The following EIF4ENIF1 variants were observed in gnomAD, a reference collection of about 807,000 sequenced individuals.
EIF4ENIF1 encodes the protein eukaryotic translation initiation factor 4E nuclear import factor 1.
EIF4ENIF1 carries 23 observed loss-of-function variants against 110.5 expected under a neutral mutation model. The ratio of observed to expected loss-of-function variants is 0.21; its 90% confidence interval spans 0.15 to 0.29. The LOEUF is 0.29. Among genes scored for constraint, EIF4ENIF1 ranks in the 10% least tolerant of loss-of-function variants. The pLI, the probability that EIF4ENIF1 is intolerant of heterozygous loss-of-function variation, is 1.00. For synonymous variants in EIF4ENIF1, 440 were observed against 437.0 expected (o/e 1.01, Z -0.09); for missense variants, 1,031 against 1,221.1 (o/e 0.84, Z 2.32).
chr22:31,449,375 G>A lies in EIF4ENIF1; in HGVS notation c.1741C>T (p.Leu581Phe), dbSNP rs1569070867. 6.2e-6 allele frequency: 10 copies of A among 1,613,712 alleles called. No homozygotes were observed. Among genetic ancestry groups the A allele is most frequent in the Non-Finnish European group, 8.5e-6 (10 of 1,179,954 alleles). The change falls in exon 12 of 19, where the codon CTT (leucine) becomes TTT (phenylalanine). Residue 581 changes from leucine to phenylalanine, a missense_variant. By Grantham distance (22) the Leu-to-Phe change is conservative (BLOSUM62 0). Coordinates refer to ENST00000330125, the MANE Select transcript of EIF4ENIF1 (RefSeq NM_019843.4). ...FQTRAASADY[L>F]RPRIPSPIGF... ...ATTGGTGATGGTATTCTTGGGCGAA[G>A]GTAGTCAGCTGAGGCTGCTCGAGTT...
At chr22:31,449,051 C>T (rs560783552) in intron 12 of EIF4ENIF1, among the ~76,000 whole-genome samples, 1 of 152,298 alleles carries the variant, frequency 6.6e-6, no homozygotes, top group South Asian at 2.1e-4. Flanking sequence ...CGCTCTGTCG[C>T]CCAGGCTGGA....
At chr22:31,469,624 T>G (rs1444909309) in intron 3 of EIF4ENIF1, among the ~76,000 whole-genome samples, 1 of 152,188 alleles carries the variant, frequency 6.6e-6, no homozygotes, top group Non-Finnish European at 1.5e-5. Context: ...TCTCTCCTCT[T>G]TCTTATTTTT....
intron 3 of EIF4ENIF1, 56 bp downstream of exon 3, chr22:31,471,788 G>A: frequency 7.1e-7 from 1 of 1,406,556 alleles, no homozygotes; most frequent in Non-Finnish European, 9.8e-7. Flanking sequence ...TACCAAGTTT[G>A]GTATAACAAA....
At chr22:31,488,198 T>C (rs754670158) in intron 2 of EIF4ENIF1, among the ~76,000 whole-genome samples, 5 of 152,130 alleles carry the variant, frequency 3.3e-5, no homozygotes, top group Non-Finnish European at 7.4e-5. Flanking sequence ...CAGTTACCCA[T>C]GAAAAGCACA....
intron 7 of EIF4ENIF1, among the ~76,000 whole-genome samples, 186 bp from the exon 8 acceptor site, chr22:31,456,173 C>A (rs1419656401): frequency 6.6e-6 from 1 of 151,898 alleles, no homozygotes; most frequent in African/African-American, 2.4e-5. Flanking sequence ...TCTGAATAAC[C>A]CAAACTTGAG....
Position 31,463,664 on chromosome 22 carries a change from A to AT in EIF4ENIF1, c.585+16_585+17insA, listed in dbSNP as rs2051073707. Reference sequence around the variant, plus strand: ...TCCGTCTCAATTTAAAAAAAAAAAAAAAAAAAAAAGACAAACCCTGAAACG... The same window carrying AT: ...TCCGTCTCAATTTAAAAAAAAAAAAATAAAAAAAAAGACAAACCCTGAAACG... On this transcript the variant is annotated intron_variant, in intron 5 of 18. Transcript: ENST00000330125. 6.5e-7 allele frequency: 1 copy of AT among 1,526,892 alleles called. No homozygotes were observed. Among genetic ancestry groups the AT allele is most frequent in the African/African-American group, 1.4e-5 (1 of 70,636 alleles). 94.6% of individuals were successfully genotyped at this position (1,526,892 alleles called of 1,614,324 possible).
chr22:31,455,085 G>C (rs746877073), intron 9 of EIF4ENIF1, 51 bp downstream of exon 9: 16 of 1,481,536 alleles, frequency 1.1e-5, no homozygotes, highest in Middle Eastern at 2.4e-4. Flanking sequence ...CCTGAAGACT[G>C]AACATCTAGA....
chr22:31,476,944 G>A (rs1437145364), intron 2 of EIF4ENIF1, among the ~76,000 whole-genome samples: 1 of 146,814 alleles, frequency 6.8e-6, no homozygotes, highest in African/African-American at 2.5e-5. Flanking sequence ...GTTGCAGTGA[G>A]CCAAGACTGC....
At chr22:31,437,459 C>CA (rs1555900378), downstream of EIF4ENIF1, 1 of 133,270 alleles carries the variant, frequency 7.5e-6, no homozygotes, top group Non-Finnish European at 1.6e-5. Flanking sequence ...ATCCCCCCCC[C>CA]ACCCTCCCGC....
chr22:31,485,085 ATT>A (rs2051969818), intron 2 of EIF4ENIF1, among the ~76,000 whole-genome samples: 1 of 152,196 alleles, frequency 6.6e-6, no homozygotes. Context: ...CCCGCATAGA[ATT>A]ACTAGAGTGT....
chr22:31,489,042 T>C, intron 1 of EIF4ENIF1: 2 of 254,954 alleles, frequency 7.8e-6, no homozygotes, highest in South Asian at 9.2e-5. Flanking sequence ...CTGCCACCCA[T>C]GGGGATCTTT....
At chr22:31,451,023 G>C (rs2050656307) in intron 10 of EIF4ENIF1, 1 of 152,504 alleles carries the variant, frequency 6.6e-6, no homozygotes, top group African/African-American at 2.4e-5. Flanking sequence ...TGGGACTACA[G>C]GTGTATGCCA....
chr22:31,492,897 A>T (rs969394272), upstream of EIF4ENIF1, among the ~76,000 whole-genome samples: 2 of 151,598 alleles, frequency 1.3e-5, no homozygotes, highest in Non-Finnish European at 2.9e-5. Flanking sequence ...ACGCCCAGCT[A>T]ATTTTTGTAT....
chr22:31,487,032 TGCACTCCAGCCTGG>T (rs2052057134), intron 2 of EIF4ENIF1, among the ~76,000 whole-genome samples: 1 of 151,898 alleles, frequency 6.6e-6, no homozygotes, highest in African/African-American at 2.4e-5. Context: ...GTGGTGCCAT[TGCACTCCAGCCTGG>T]GCAACAAGAG....
chr22:31,446,166 T>A (rs2050468045), intron 14 of EIF4ENIF1, among the ~76,000 whole-genome samples: 1 of 151,000 alleles, frequency 6.6e-6, no homozygotes, highest in African/African-American at 2.4e-5. Flanking sequence ...ACTCCTGTAA[T>A]CCTAGCTACT....
upstream of EIF4ENIF1, among the ~76,000 whole-genome samples, chr22:31,492,653 A>C (rs2052294909): frequency 6.6e-6 from 1 of 152,230 alleles, no homozygotes; most frequent in Non-Finnish European, 1.5e-5. Flanking sequence ...GCCTGGCAAA[A>C]GCTAGATGCT....
intron 18 of EIF4ENIF1, among the ~76,000 whole-genome samples, 198 bp downstream of exon 18, chr22:31,440,506 A>G (rs910398061): frequency 2.0e-5 from 3 of 152,234 alleles, no homozygotes; most frequent in Non-Finnish European, 2.9e-5. Flanking sequence ...GGCTTTTCCC[A>G]CTGACTTTGC....
chr22:31,449,555 C>T (rs775321217), intron 11 of EIF4ENIF1, 24 bp from the exon 12 acceptor site: 9 of 1,601,576 alleles, frequency 5.6e-6, no homozygotes, highest in Non-Finnish European at 6.8e-6. Context: ...AGCCAAATCC[C>T]TGTGAACTTA....
intron 2 of EIF4ENIF1, among the ~76,000 whole-genome samples, chr22:31,478,921 C>T (rs534995815): frequency 9.9e-4 from 146 of 147,120 alleles, no homozygotes; most frequent in African/African-American, 3.5e-3. Flanking sequence ...CACTGCACCC[C>T]AGCCTGGGTG....
Sources: allele counts gnomAD v4.1 joint callset (sites outside exome capture counted in the v4.1 genomes callset), GRCh38; gene constraint gnomAD v4.1.1; transcripts MANE v1.5; gene names NCBI Gene and HGNC (gene_info 2026-07-23, HGNC 2026-07-21).